MAML3: variants seen among roughly 807,000 people sequenced by gnomAD.
MAML3 encodes the protein mastermind-like protein 3.
A neutral mutation model predicts 101.9 loss-of-function variants in MAML3; 27 were observed. That is an observed-to-expected ratio of 0.27 (90% confidence interval 0.20 to 0.37). The LOEUF is 0.37. Ranked by LOEUF, MAML3 falls within the 10% of genes least tolerant of loss-of-function variation. MAML3 has a pLI of 1.00. For missense variants in MAML3, 1,316 were observed against 1,444.9 expected (o/e 0.91, Z 1.45); for synonymous variants, 501 against 555.9 (o/e 0.90, Z 1.39).
chr4:139,739,125 A>C lies in MAML3; in HGVS notation c.2080-8458T>G, dbSNP rs1729065360. On this transcript the variant is annotated intron_variant, in intron 2 of 4. Coordinates refer to ENST00000509479, the MANE Select transcript of MAML3 (RefSeq NM_018717.5). ...CAGATTTACTGAACTCAACTGACTA[A>C]TTGGCTGGGATGAATTCTAGCCTAA... Among the ~76,000 whole-genome samples the C allele has an allele frequency of 2.6e-5, 4 of 152,216 alleles. 1 individual carries two copies.
chr4:139,859,227 AT>A (rs61061197), intron 2 of MAML3, among the ~76,000 whole-genome samples: 6,624 of 135,346 alleles, frequency 0.049, 209 homozygotes, highest in African/African-American at 0.11. Flanking sequence ...GTTCTACTAC[AT>A]TTTTTTTTTT....
chr4:139,930,908 A>G (rs900154583), intron 1 of MAML3, among the ~76,000 whole-genome samples: 1 of 152,096 alleles, frequency 6.6e-6, no homozygotes, highest in African/African-American at 2.4e-5. Context: ...AGGCATTTCA[A>G]GCTCGGCCAG....
At chr4:139,882,678 A>G (rs1732243482) in intron 2 of MAML3, among the ~76,000 whole-genome samples, 1 of 152,066 alleles carries the variant, frequency 6.6e-6, no homozygotes, top group African/African-American at 2.4e-5. Flanking sequence ...GTGAAATTCT[A>G]TCTCTACTAA....
At chr4:140,036,049 A>G (rs1484894299) in intron 1 of MAML3, among the ~76,000 whole-genome samples, 1 of 152,236 alleles carries the variant, frequency 6.6e-6, no homozygotes, top group Non-Finnish European at 1.5e-5. Context: ...AGTAAGGATT[A>G]GGACCGATTC....
chr4:139,839,296 C>T (rs928947961), intron 2 of MAML3, among the ~76,000 whole-genome samples: 2 of 152,148 alleles, frequency 1.3e-5, no homozygotes, highest in African/African-American at 2.4e-5. Context: ...TGACATAAAT[C>T]AGATCCTCCG....
At chr4:140,102,182 T>G (rs1257589205) in intron 1 of MAML3, among the ~76,000 whole-genome samples, 1 of 152,234 alleles carries the variant, frequency 6.6e-6, no homozygotes, top group African/African-American at 2.4e-5. Flanking sequence ...AGGCATGAAT[T>G]GAGGCACTAT....
At chr4:139,883,354 T>G (rs1732255828) in intron 2 of MAML3, among the ~76,000 whole-genome samples, 1 of 152,212 alleles carries the variant, frequency 6.6e-6, no homozygotes, top group Non-Finnish European at 1.5e-5. Flanking sequence ...CCCCTCACCC[T>G]GCCCAAAAGG....
At chr4:139,816,610 C>A (rs1009611280) in intron 2 of MAML3, among the ~76,000 whole-genome samples, 1 of 152,106 alleles carries the variant, frequency 6.6e-6, no homozygotes, top group African/African-American at 2.4e-5. Context: ...CGGCTCAGCC[C>A]TGTCTCCCTG....
At chr4:140,024,212 T>C (rs1181198982) in intron 1 of MAML3, among the ~76,000 whole-genome samples, 3 of 151,776 alleles carry the variant, frequency 2.0e-5, no homozygotes, top group African/African-American at 7.3e-5. Context: ...AGAGTCAAGA[T>C]GGATGGATTG....
Position 140,104,376 on chromosome 4 carries a change from A to AAAAT in MAML3, c.468+48483_468+48484insATTT, listed in dbSNP as rs1560894634. 1.3e-4 allele frequency among the ~76,000 whole-genome samples: 9 copies of AAAAT among 69,388 alleles called. No individual in the cohort carries two copies. In the East Asian group the frequency reaches 3.3e-3, roughly 25 times the overall value. The allele number at this position is 69,388 out of a possible 152,430, so 45.5% of individuals were successfully genotyped here. ...CCAAACCTATTTTATATATATATAT[A>AAAAT]ATATATATATATTATATATTATATA... is the stretch of plus-strand genomic sequence containing the variant. On this transcript the variant is annotated intron_variant, in intron 1 of 4. Coordinates refer to ENST00000509479, the MANE Select transcript of MAML3 (RefSeq NM_018717.5).
chr4:139,944,177 A>T (rs567871709), intron 1 of MAML3, among the ~76,000 whole-genome samples: 3 of 151,974 alleles, frequency 2.0e-5, no homozygotes, highest in South Asian at 4.2e-4. Flanking sequence ...GCCTAAAGAC[A>T]ACATTTTTTT....
At chr4:139,994,877 TC>T (rs1461350195) in intron 1 of MAML3, among the ~76,000 whole-genome samples, 1 of 152,094 alleles carries the variant, frequency 6.6e-6, no homozygotes, top group Non-Finnish European at 1.5e-5. Flanking sequence ...CATTTTTGAT[TC>T]CTTTATTTTT....
chr4:139,973,218 G>A (rs1877077), intron 1 of MAML3, among the ~76,000 whole-genome samples: 47,808 of 152,018 alleles, frequency 0.31, 8,348 homozygotes, highest in East Asian at 0.62. Flanking sequence ...GGGCCAGGCC[G>A]TGGGTCACTA....
intron 1 of MAML3, among the ~76,000 whole-genome samples, chr4:140,013,885 G>A (rs1314031933): frequency 3.3e-5 from 5 of 152,210 alleles, no homozygotes; most frequent in Non-Finnish European, 5.9e-5. Context: ...CAGATACTCA[G>A]CAAAGGTATA....
chr4:139,871,737 C>T (rs1182750405), intron 2 of MAML3, among the ~76,000 whole-genome samples: 6 of 152,192 alleles, frequency 3.9e-5, no homozygotes, highest in South Asian at 2.1e-4. Context: ...ATTAACCCTT[C>T]GCAACCCAGT....
chr4:140,123,097 T>TG (rs1728634151), intron 1 of MAML3, among the ~76,000 whole-genome samples: 2 of 143,128 alleles, frequency 1.4e-5, no homozygotes, highest in African/African-American at 3.0e-5. Flanking sequence ...CTGCGGTTTT[T>TG]TTTTTTTTTT....
intron 1 of MAML3, among the ~76,000 whole-genome samples, chr4:139,954,779 C>T (rs1407810777): frequency 3.3e-5 from 5 of 152,096 alleles, no homozygotes; most frequent in African/African-American, 7.2e-5. Flanking sequence ...CTCAGCCTTT[C>T]GAGTATCTGG....
chr4:139,945,717 G>T (rs1006090020), intron 1 of MAML3, among the ~76,000 whole-genome samples: 1 of 152,166 alleles, frequency 6.6e-6, no homozygotes, highest in Non-Finnish European at 1.5e-5. Flanking sequence ...TTTTTCCCAT[G>T]AATAATAAAA....
At chr4:139,863,770 T>C (rs1731832711) in intron 2 of MAML3, among the ~76,000 whole-genome samples, 1 of 152,006 alleles carries the variant, frequency 6.6e-6, no homozygotes, top group Non-Finnish European at 1.5e-5. Flanking sequence ...ATTAGTGTGC[T>C]ATATTTGTGT....
Sources: allele counts gnomAD v4.1 joint callset (sites outside exome capture counted in the v4.1 genomes callset), GRCh38; gene constraint gnomAD v4.1.1; transcripts MANE v1.5; gene names NCBI Gene and HGNC (gene_info 2026-07-23, HGNC 2026-07-21).